Variants in ATP6V0A4 observed in about 807,000 individuals in gnomAD.
ATP6V0A4 encodes the protein ATPase H+ transporting V0 subunit a4.
A neutral mutation model predicts 107.3 loss-of-function variants in ATP6V0A4; 86 were observed. The ratio of observed to expected loss-of-function variants is 0.80; its 90% CI spans 0.67 to 0.96. The LOEUF (loss-of-function observed/expected upper bound fraction) is 0.96. ATP6V0A4 is among the 40% of genes least tolerant of loss of function. ATP6V0A4 has a pLI of 0.00. For synonymous variants in ATP6V0A4, 353 were observed against 381.4 expected, an observed-to-expected ratio of 0.93 and a Z score of 0.87; for missense variants, 908 against 1,045.6, an observed-to-expected ratio of 0.87 and a Z score of 1.81.
intron 21 of ATP6V0A4, among the ~76,000 whole-genome samples, chr7:138,707,350 A>AATATATATTATATTATATATATAT (rs1803489311): frequency 1.1e-5 from 1 of 90,394 alleles, no homozygotes; most frequent in Non-Finnish European, 2.0e-5. Context: ...TATATATTAT[A>AATATATATTATATTATATATATAT]ATATATATTA....
intron 21 of ATP6V0A4, among the ~76,000 whole-genome samples, chr7:138,707,190 T>TATAGA (rs1562972518): frequency 1.8e-5 from 1 of 55,358 alleles, no homozygotes; most frequent in South Asian, 4.5e-4. Context: ...TAATATATTA[T>TATAGA]ATATATTATA....
At chr7:138,730,933 T>TCTTCTTC (rs200188315) in intron 17 of ATP6V0A4, among the ~76,000 whole-genome samples, 11 of 134,820 alleles carry the variant, frequency 8.2e-5, no homozygotes, top group African/African-American at 3.7e-4. Flanking sequence ...TTCTTCTTCT[T>TCTTCTTC]TTTTTATTTT....
intron 2 of ATP6V0A4, among the ~76,000 whole-genome samples, chr7:138,784,095 T>C (rs1473254656): frequency 6.6e-6 from 1 of 151,666 alleles, no homozygotes; most frequent in Non-Finnish European, 1.5e-5. Flanking sequence ...TGCAGAAAAG[T>C]AAGGCACAGT....
At chr7:138,714,605 A>T (rs1277676913) in intron 20 of ATP6V0A4, among the ~76,000 whole-genome samples, 1 of 152,118 alleles carries the variant, frequency 6.6e-6, no homozygotes, top group Non-Finnish European at 1.5e-5. Context: ...AGATAGATAG[A>T]TACAATTGTA....
chr7:138,755,874 T>G, intron 9 of ATP6V0A4, 92 bp from the exon 10 acceptor site: 1 of 1,553,282 alleles, frequency 6.4e-7, no homozygotes. Flanking sequence ...TTGCTGACTT[T>G]AGTTAGATGG....
chr7:138,735,768 C>T (rs949552900), intron 15 of ATP6V0A4, among the ~76,000 whole-genome samples: 4 of 92,824 alleles, frequency 4.3e-5, no homozygotes, highest in Non-Finnish European at 6.5e-5. Context: ...GCAGTGAGGG[C>T]GGGTCTGCTA....
At chr7:138,797,685 T>C (rs1452764508) in intron 1 of ATP6V0A4, among the ~76,000 whole-genome samples, 1 of 152,078 alleles carries the variant, frequency 6.6e-6, no homozygotes, top group Admixed American at 6.6e-5. Context: ...AACTTCAGCA[T>C]AGTGGGTGCT....
chr7:138,792,427 G>A (rs566652160), intron 1 of ATP6V0A4, among the ~76,000 whole-genome samples: 1 of 152,122 alleles, frequency 6.6e-6, no homozygotes, highest in Non-Finnish European at 1.5e-5. Context: ...TATGCTCCTG[G>A]GTTGCAGAAT....
At chr7:138,779,804 C>A (rs751729387) in intron 2 of ATP6V0A4, among the ~76,000 whole-genome samples, 3 of 152,058 alleles carry the variant, frequency 2.0e-5, no homozygotes, top group Non-Finnish European at 4.4e-5. Context: ...TTTTATGTCT[C>A]ATGATAAAAG....
At chr7:138,743,844 C>T (rs548963689) in intron 14 of ATP6V0A4, among the ~76,000 whole-genome samples, 23 of 152,238 alleles carry the variant, frequency 1.5e-4, no homozygotes, top group African/African-American at 4.1e-4. Context: ...ATCTCAGGTA[C>T]GTGATGCACG....
chr7:138,749,153 C>A lies in ATP6V0A4; in HGVS notation c.1180+14G>T, dbSNP rs747122923. 1.2e-6 allele frequency: 2 copies of A among 1,613,872 alleles called. No individual in the cohort carries two copies. The highest frequency in any genetic ancestry group is 1.7e-6 in the Non-Finnish European group (2 of 1,179,948). ...TTTCAAGCTACCCAGTCGTGCAGTT[C>A]ATCAGATCTTTACCTGGGTTTATCT... On this transcript the variant is annotated intron_variant, in intron 12 of 21. Transcript: ENST00000310018.
chr7:138,793,810 A>G (rs1035622533), intron 1 of ATP6V0A4, among the ~76,000 whole-genome samples: 1 of 152,214 alleles, frequency 6.6e-6, no homozygotes, highest in African/African-American at 2.4e-5. Flanking sequence ...GTTTTCGCCA[A>G]GAGGAAGGAC....
At position 138,708,016 on chromosome 7, in the gene ATP6V0A4, AT is replaced by A. The variant is rs374125921; in HGVS notation, c.2430-1300del. On this transcript the variant is annotated intron_variant, in intron 21 of 21. Coordinates refer to ENST00000310018, the MANE Select transcript of ATP6V0A4 (RefSeq NM_020632.3). The stretch of plus-strand genomic sequence containing the variant: ...TACCATGTCGGATGATTTATGTTTT[AT>A]TTTATTTATTTATTTATTTATTTAT... Among the ~76,000 whole-genome samples, 244 of 138,884 alleles carry A rather than the reference AT, an allele frequency of 1.8e-3. 3 individuals carry two copies. In the South Asian group the frequency reaches 0.023, roughly 13 times the overall value. 91.1% of individuals were successfully genotyped at this position (138,884 alleles called of 152,430 possible). A position where few individuals can be genotyped will look rare whatever the true frequency, so the allele number is the denominator to read the frequency against.
In ATP6V0A4 at chr7:138,713,267, G is replaced by A. The variant is rs1293099249; in HGVS notation, c.2257+2497C>T. Reference sequence around the variant, plus strand: ...TTGCAGTGAGCCGAGATCACGCCACGGCACTCCAGCCTGAAAAAAAAAAAA... The same window carrying A: ...TTGCAGTGAGCCGAGATCACGCCACAGCACTCCAGCCTGAAAAAAAAAAAA... On this transcript the variant is annotated intron_variant, in intron 20 of 21. Coordinates refer to ENST00000310018, the MANE Select transcript of ATP6V0A4 (RefSeq NM_020632.3). 3.5e-5 allele frequency among the ~76,000 whole-genome samples: 5 copies of A among 141,200 alleles called. 1 individual carries two copies. In the South Asian group the frequency reaches 6.9e-4, roughly 20 times the overall value. 92.6% of individuals were successfully genotyped at this position (141,200 alleles called of 152,430 possible).
At chr7:138,728,679 TTC>T in intron 18 of ATP6V0A4, 80 bp downstream of exon 18, 1 of 1,590,340 alleles carries the variant, frequency 6.3e-7, no homozygotes, top group Non-Finnish European at 8.6e-7. Context: ...CCCAGGACGA[TTC>T]TCTCTAAACC....
chr7:138,718,535 G>A (rs907996848), intron 19 of ATP6V0A4, among the ~76,000 whole-genome samples: 3 of 142,182 alleles, frequency 2.1e-5, no homozygotes, highest in African/African-American at 7.8e-5. Context: ...TGGGGCGGGT[G>A]GTGCAGTCAC....
Position 138,749,611 on chromosome 7 carries a change from T to C in ATP6V0A4, c.1030-294A>G, listed in dbSNP as rs1806129455. On this transcript the variant is annotated intron_variant, in intron 11 of 21. Coordinates refer to ENST00000310018, the MANE Select transcript of ATP6V0A4 (RefSeq NM_020632.3). ...TGTTATGACTCCTGGCCCTCTATGC[T>C]TTCCTCCTCTCCACTTTCTCAATTC... Among the ~76,000 whole-genome samples, 3 of 152,134 alleles carry C rather than the reference T, an allele frequency of 2.0e-5. No individual in the cohort carries two copies. The South Asian group carries it at 6.2e-4, about 32-fold the overall frequency.
At chr7:138,761,281 A>C (rs2117312531) in intron 7 of ATP6V0A4, among the ~76,000 whole-genome samples, 1 of 152,258 alleles carries the variant, frequency 6.6e-6, no homozygotes, top group Admixed American at 6.5e-5. Context: ...GCAGTGAGCT[A>C]TGATTGCACC....
At chr7:138,730,154 G>T (rs1804917168) in intron 17 of ATP6V0A4, among the ~76,000 whole-genome samples, 1 of 152,176 alleles carries the variant, frequency 6.6e-6, no homozygotes, top group Non-Finnish European at 1.5e-5. Flanking sequence ...AAAGTGCTGG[G>T]GTTACAGGCA....
Sources: gnomAD v4.1 joint callset for allele counts (sites outside exome capture counted in the v4.1 genomes callset) on GRCh38, gnomAD v4.1.1 for gene constraint, MANE v1.5 for transcripts, NCBI Gene and HGNC (gene_info 2026-07-23, HGNC 2026-07-21) for gene names.